DPH6: variants seen among roughly 807,000 people sequenced by gnomAD.
The protein encoded by DPH6 is diphthamine biosynthesis 6.
A neutral mutation model predicts 38.2 loss-of-function variants in DPH6; 33 were observed. The observed-to-expected ratio is 0.86, with a 90% CI of 0.65 to 1.15. DPH6 has a LOEUF of 1.15. DPH6 is among the 50% of genes most tolerant of loss of function. The pLI is 0.00. For synonymous variants in DPH6, 108 were observed against 103.0 expected, an observed-to-expected ratio of 1.05 and a Z score of -0.30; for missense variants, 325 against 320.0, an observed-to-expected ratio of 1.02 and a Z score of -0.12.
chr15:35,315,088 G>C (rs2052177403), intron 3 of DPH6, among the ~76,000 whole-genome samples: 1 of 152,146 alleles, frequency 6.6e-6, no homozygotes, highest in African/African-American at 2.4e-5. Flanking sequence ...CCTGAAGCTG[G>C]CATTGGTCAA....
At chr15:35,237,078 T>C (rs1173731313) in intron 3 of DPH6, 3 of 512,872 alleles carry the variant, frequency 5.8e-6, no homozygotes, top group Non-Finnish European at 1.0e-5. Flanking sequence ...CACATAGGCA[T>C]TGTTTTGCTT....
downstream of DPH6, among the ~76,000 whole-genome samples, chr15:35,326,394 A>C (rs2052282339): frequency 6.6e-6 from 1 of 152,156 alleles, no homozygotes; most frequent in Non-Finnish European, 1.5e-5. Context: ...TTTTACTTTT[A>C]GTTTCTTTTA....
chr15:35,211,897 C>A, the DPH6 span, among the ~76,000 whole-genome samples: 1 of 152,192 alleles, frequency 6.6e-6, no homozygotes, highest in Non-Finnish European at 1.5e-5. Flanking sequence ...CTGCCCAACA[C>A]TTGACCACCT....
intron 3 of DPH6, among the ~76,000 whole-genome samples, chr15:35,246,939 A>G (rs1283324193): frequency 1.3e-5 from 2 of 152,136 alleles, no homozygotes; most frequent in South Asian, 4.2e-4. Context: ...TCTTTTCTAC[A>G]AAAGTACTCT....
chr15:35,198,566 T>G, the DPH6 span, among the ~76,000 whole-genome samples: 1 of 152,262 alleles, frequency 6.6e-6, no homozygotes, highest in African/African-American at 2.4e-5. Context: ...GAGTCAAGTG[T>G]AAGACAGTAC....
At chr15:35,460,842 T>C (rs1249970118) in intron 3 of DPH6, among the ~76,000 whole-genome samples, 1 of 147,516 alleles carries the variant, frequency 6.8e-6, no homozygotes, top group Non-Finnish European at 1.5e-5. Flanking sequence ...GTCTGACCTA[T>C]GTCGACAATT....
intron 7 of DPH6, among the ~76,000 whole-genome samples, chr15:35,380,420 A>G (rs750501787): frequency 6.6e-6 from 1 of 152,222 alleles, no homozygotes; most frequent in Non-Finnish European, 1.5e-5. Context: ...GGTTATGTAG[A>G]GTAAAGCAGT....
intron 3 of DPH6, among the ~76,000 whole-genome samples, chr15:35,274,359 A>C (rs2140430012): frequency 6.7e-6 from 1 of 150,140 alleles, no homozygotes; most frequent in East Asian, 1.9e-4. Flanking sequence ...CTTCATAACT[A>C]AAAAGCAATT....
At chr15:35,318,984 T>C (rs1457570876) in intron 3 of DPH6, among the ~76,000 whole-genome samples, 2 of 152,178 alleles carry the variant, frequency 1.3e-5, no homozygotes, top group African/African-American at 4.8e-5. Context: ...TCAACTTACT[T>C]CACCTACTTG....
At chr15:35,191,071 CTTTCT>C in the DPH6 span, among the ~76,000 whole-genome samples, 1 of 152,256 alleles carries the variant, frequency 6.6e-6, no homozygotes, top group Non-Finnish European at 1.5e-5. Context: ...CCCCAACAAT[CTTTCT>C]TTTAATAGTT....
At chr15:35,425,045 A>C (rs1045221897) in intron 5 of DPH6, among the ~76,000 whole-genome samples, 4 of 151,664 alleles carry the variant, frequency 2.6e-5, no homozygotes, top group Non-Finnish European at 5.9e-5. Flanking sequence ...ACATTTCTGC[A>C]AATGTACTCA....
At chr15:35,330,217 G>A (rs1167069631), downstream of DPH6, among the ~76,000 whole-genome samples, 3 of 152,082 alleles carry the variant, frequency 2.0e-5, no homozygotes, top group African/African-American at 7.2e-5. Context: ...GAACTCAGCT[G>A]CACAAGCCAA....
chr15:35,327,680 G>A (rs375503841), downstream of DPH6, among the ~76,000 whole-genome samples: 2 of 152,142 alleles, frequency 1.3e-5, no homozygotes, highest in South Asian at 2.1e-4. Context: ...GTCAGGAGAC[G>A]TGTTCCAGTC....
chr15:35,301,136 G>C (rs976357556), intron 3 of DPH6, among the ~76,000 whole-genome samples: 3 of 152,068 alleles, frequency 2.0e-5, no homozygotes, highest in African/African-American at 7.2e-5. Flanking sequence ...GTACTATGTA[G>C]GTTTTGAGAA....
chr15:35,191,537 C>A, the DPH6 span, among the ~76,000 whole-genome samples: 2 of 152,112 alleles, frequency 1.3e-5, no homozygotes, highest in Non-Finnish European at 2.9e-5. Context: ...AACAGGGATA[C>A]GAACCAAAGT....
At chr15:35,272,202 ATAT>A (rs895404608) in intron 3 of DPH6, among the ~76,000 whole-genome samples, 4 of 152,320 alleles carry the variant, frequency 2.6e-5, no homozygotes, top group African/African-American at 9.6e-5. Flanking sequence ...ACTGTATTAG[ATAT>A]TATAATTAAT....
rs978681924 is a variant in DPH6 at position 35,373,427 on chromosome 15, T to C, written c.750+94A>G. On this transcript the variant is annotated intron_variant, in intron 8 of 8. Transcript: ENST00000256538. The stretch of plus-strand genomic sequence containing the variant: ...TAATGATAAAAATCAATTTTCTTTT[T>C]CCTGTCATCTGTTGTTACAGAATTA... The C allele has an allele frequency of 4.2e-5, 45 of 1,078,894 alleles. No individual in the cohort carries two copies. The African/African-American group carries it at 6.6e-4, about 16-fold the overall frequency. 66.8% of individuals were successfully genotyped at this position (1,078,894 alleles called of 1,614,324 possible). A position where few individuals can be genotyped will look rare whatever the true frequency, so the allele number is the denominator to read the frequency against.
At chr15:35,539,753 G>T (rs966004159) in intron 2 of DPH6, among the ~76,000 whole-genome samples, 4 of 151,976 alleles carry the variant, frequency 2.6e-5, no homozygotes, top group African/African-American at 9.7e-5. Context: ...TCCATTAAAT[G>T]TGAAAACTTC....
At chr15:35,301,464 CTTTG>C (rs1236133545) in intron 3 of DPH6, among the ~76,000 whole-genome samples, 3 of 152,150 alleles carry the variant, frequency 2.0e-5, no homozygotes, top group Non-Finnish European at 4.4e-5. Context: ...CTTTTCTCCT[CTTTG>C]TTTTTCATTT....
Sources: allele counts gnomAD v4.1 joint callset (sites outside exome capture counted in the v4.1 genomes callset), GRCh38; gene constraint gnomAD v4.1.1; transcripts MANE v1.5; gene names NCBI Gene and HGNC (gene_info 2026-07-23, HGNC 2026-07-21).